Variants in MEIKIN observed in about 807,000 individuals in gnomAD.
MEIKIN encodes meiosis-specific kinetochore protein.
chr5:131,910,045 C>T (rs192225889), intron 8 of MEIKIN, among the ~76,000 whole-genome samples: 46 of 152,150 alleles, frequency 3.0e-4, no homozygotes, highest in Admixed American at 2.3e-3. Context: ...AGGTATCATA[C>T]GATCCAGCAA....
At chr5:131,836,897 C>T (rs781404672) in intron 11 of MEIKIN, among the ~76,000 whole-genome samples, 6 of 152,028 alleles carry the variant, frequency 3.9e-5, no homozygotes, top group Non-Finnish European at 8.8e-5. Context: ...TCTTTAGTTT[C>T]ATTAGATCCC....
At chr5:131,860,347 A>AT (rs58038860) in intron 9 of MEIKIN, among the ~76,000 whole-genome samples, 99,977 of 141,782 alleles carry the variant, frequency 0.71, 35,328 homozygotes, top group Non-Finnish European at 0.78. Context: ...TGCCTTCTTG[A>AT]TTTTTTTTCA....
intron 11 of MEIKIN, among the ~76,000 whole-genome samples, chr5:131,831,514 C>G (rs184988116): frequency 7.2e-4 from 110 of 152,266 alleles, no homozygotes; most frequent in Middle Eastern, 3.4e-3. Flanking sequence ...CTATATCACA[C>G]CACTGTATTA....
At chr5:131,810,388 A>T (rs1180472521) in intron 12 of MEIKIN, among the ~76,000 whole-genome samples, 1 of 152,208 alleles carries the variant, frequency 6.6e-6, no homozygotes, top group Non-Finnish European at 1.5e-5. Context: ...ATTAGCCAAA[A>T]GGTATTATTA....
chr5:131,890,162 T>C (rs904811948), intron 8 of MEIKIN, among the ~76,000 whole-genome samples: 2 of 152,194 alleles, frequency 1.3e-5, no homozygotes, highest in Admixed American at 1.3e-4. Context: ...TAAAATTCTC[T>C]CTTTTTGTTG....
intron 9 of MEIKIN, among the ~76,000 whole-genome samples, chr5:131,878,747 T>C (rs1750655827): frequency 6.6e-6 from 1 of 151,914 alleles, no homozygotes; most frequent in Non-Finnish European, 1.5e-5. Flanking sequence ...AGTGCATGCA[T>C]GCCTGTAGTT....
chr5:131,926,249 A>C lies in MEIKIN; in HGVS notation c.479-4308T>G, dbSNP rs117825751. Reference sequence around the variant, plus strand: ...AGTTTGAGAGTTTTCATCATAAAAGATGTTGAATTTTGTCAAATCATTTTG... The same window carrying C: ...AGTTTGAGAGTTTTCATCATAAAAGCTGTTGAATTTTGTCAAATCATTTTG... On this transcript the variant is annotated intron_variant, in intron 5 of 12. Coordinates refer to ENST00000442687, the MANE Select transcript of MEIKIN (RefSeq NM_001303622.2). Among the ~76,000 whole-genome samples the C allele has an allele frequency of 2.6e-5, 4 of 152,256 alleles. No homozygotes were observed. The East Asian group carries it at 7.7e-4, about 29-fold the overall frequency.
intron 5 of MEIKIN, among the ~76,000 whole-genome samples, chr5:131,932,596 A>G (rs1310675944): frequency 6.6e-6 from 1 of 152,242 alleles, no homozygotes; most frequent in East Asian, 1.9e-4. Flanking sequence ...AGTGGAAAAG[A>G]ATACTCCACC....
intron 11 of MEIKIN, among the ~76,000 whole-genome samples, chr5:131,829,391 C>G (rs1052053162): frequency 2.4e-4 from 36 of 152,118 alleles, no homozygotes; most frequent in Non-Finnish European, 8.8e-5. Context: ...ATGGGGAAAA[C>G]AGAAGATTGG....
intron 9 of MEIKIN, among the ~76,000 whole-genome samples, chr5:131,873,281 T>C (rs1750542101): frequency 6.6e-6 from 1 of 151,558 alleles, no homozygotes; most frequent in Non-Finnish European, 1.5e-5. Context: ...ACACATAGGC[T>C]CAAAATAAAG....
chr5:131,914,947 A>G (rs2149645091), intron 7 of MEIKIN, among the ~76,000 whole-genome samples: 1 of 152,222 alleles, frequency 6.6e-6, no homozygotes, highest in Non-Finnish European at 1.5e-5. Context: ...CCTGTTTAGA[A>G]CTCTAGGAGA....
At chr5:131,825,023 GAAA>G (rs1021852453) in intron 11 of MEIKIN, among the ~76,000 whole-genome samples, 2 of 149,266 alleles carry the variant, frequency 1.3e-5, no homozygotes, top group Admixed American at 1.3e-4. Flanking sequence ...TCATTTTACT[GAAA>G]AAAAAAGAAG....
Position 131,861,359 on chromosome 5 carries a change from A to G in MEIKIN, c.775-6525T>C, listed in dbSNP as rs540472091. On this transcript the variant is annotated intron_variant, in intron 9 of 12. Coordinates refer to ENST00000442687, the MANE Select transcript of MEIKIN (RefSeq NM_001303622.2). ...GCCAAGATTGCACCATTGCACTCCA[A>G]CCTGGGCAACAGAGAGAGACTCTGT... Among the ~76,000 whole-genome samples the G allele has an allele frequency of 1.7e-4, 26 of 152,144 alleles. No homozygotes were observed. The South Asian group carries it at 4.8e-3, about 28-fold the overall frequency.
chr5:131,881,491 C>T (rs187703741), intron 8 of MEIKIN, among the ~76,000 whole-genome samples: 1 of 152,058 alleles, frequency 6.6e-6, no homozygotes, highest in East Asian at 1.9e-4. Context: ...TTATTTTTAC[C>T]TCCTACATGA....
rs1750847719 is a variant in MEIKIN at position 131,888,712 on chromosome 5, TA to T, written c.704-9665del. Among the ~76,000 whole-genome samples, 4 of 152,358 alleles carry T rather than the reference TA, an allele frequency of 2.6e-5. No homozygotes were observed. In the South Asian group the frequency reaches 8.3e-4, roughly 32 times the overall value. ...TTTGCTGTGCAGAAGCTCTTTAGTT[TA>T]ATTAGATCCCATTTCTCAATTTTGG... On this transcript the variant is annotated intron_variant, in intron 8 of 12. Coordinates refer to ENST00000442687, the MANE Select transcript of MEIKIN (RefSeq NM_001303622.2).
At chr5:131,925,361 C>T (rs1048251532) in intron 5 of MEIKIN, among the ~76,000 whole-genome samples, 3 of 152,140 alleles carry the variant, frequency 2.0e-5, no homozygotes, top group Admixed American at 6.6e-5. Flanking sequence ...TTGTAGACTG[C>T]TTTGGGTGTA....
At chr5:131,855,084 T>C (rs183234225) in intron 9 of MEIKIN, among the ~76,000 whole-genome samples, 31 of 152,296 alleles carry the variant, frequency 2.0e-4, no homozygotes, top group African/African-American at 7.5e-4. Flanking sequence ...TTGGTTGAAA[T>C]GAATACCTTG....
At chr5:131,815,502 G>C (rs552524446) in intron 12 of MEIKIN, among the ~76,000 whole-genome samples, 1 of 152,304 alleles carries the variant, frequency 6.6e-6, no homozygotes, top group South Asian at 2.1e-4. Context: ...CACTGGCTTA[G>C]AGGTCTTAGT....
At chr5:131,833,403 G>A (rs1749746672) in intron 11 of MEIKIN, among the ~76,000 whole-genome samples, 1 of 152,132 alleles carries the variant, frequency 6.6e-6, no homozygotes, top group Admixed American at 6.6e-5. Context: ...TTTTGTCAAA[G>A]CCACTCAACA....
Sources: allele counts gnomAD v4.1 joint callset (sites outside exome capture counted in the v4.1 genomes callset), GRCh38; gene constraint gnomAD v4.1.1; transcripts MANE v1.5; gene names NCBI Gene and HGNC (gene_info 2026-07-23, HGNC 2026-07-21).